TMEFF2: variants seen among roughly 807,000 people sequenced by gnomAD.
TMEFF2 encodes transmembrane protein with EGF like and two follistatin like domains 2.
Under a neutral mutation model 53.8 loss-of-function variants are expected in TMEFF2, and 28 were observed. The ratio of observed to expected loss-of-function variants is 0.52; its 90% CI spans 0.39 to 0.71. The LOEUF (loss-of-function observed/expected upper bound fraction) is 0.71. Ranked by LOEUF, TMEFF2 falls within the 30% of genes least tolerant of loss-of-function variation. The pLI, the probability that TMEFF2 is intolerant of heterozygous loss-of-function variation, is 0.00. For missense variants in TMEFF2, 353 were observed against 455.2 expected, an observed-to-expected ratio of 0.78 and a Z score of 2.04; for synonymous variants, 162 against 166.3, an observed-to-expected ratio of 0.97 and a Z score of 0.20.
At chr2:192,103,226 T>C (rs1391019204) in intron 4 of TMEFF2, among the ~76,000 whole-genome samples, 1 of 152,196 alleles carries the variant, frequency 6.6e-6, no homozygotes, top group Non-Finnish European at 1.5e-5. Flanking sequence ...GGAAATTCTT[T>C]TTATGAATAT....
At chr2:191,953,883 ATTTTTTTTTTTT>A in intron 8 of TMEFF2, 46 bp from the exon 9 acceptor site, 12 of 607,960 alleles carry the variant, frequency 2.0e-5, no homozygotes, top group South Asian at 1.6e-4. Context: ...TGCTGCATTC[ATTTTTTTTTTTT>A]TTTTTTTTTT....
At chr2:192,053,338 A>C (rs778497329) in intron 5 of TMEFF2, among the ~76,000 whole-genome samples, 3 of 152,282 alleles carry the variant, frequency 2.0e-5, no homozygotes, top group South Asian at 4.1e-4. Flanking sequence ...CTGTGTACTG[A>C]CTTTTTTATT....
Position 192,112,157 on chromosome 2 carries a change from C to A in TMEFF2, c.440-54382G>T, listed in dbSNP as rs532346798. Among the ~76,000 whole-genome samples the A allele has an allele frequency of 1.1e-4, 16 of 152,242 alleles. No homozygotes were observed. The South Asian group carries it at 2.7e-3, about 26-fold the overall frequency. ...AGAAGAAGACCATCATCCTCCAGAC[C>A]CCAGAATGGTAGATCCACTGACAGC... is the stretch of plus-strand genomic sequence containing the variant. On this transcript the variant is annotated intron_variant, in intron 4 of 9. Coordinates refer to ENST00000272771, the MANE Select transcript of TMEFF2 (RefSeq NM_016192.4).
chr2:192,110,557 T>C (rs1003750748), intron 4 of TMEFF2, among the ~76,000 whole-genome samples: 1 of 152,236 alleles, frequency 6.6e-6, no homozygotes, highest in Non-Finnish European at 1.5e-5. Flanking sequence ...ATTCTTTCTA[T>C]TTCTTCTAGG....
At chr2:192,143,323 T>C (rs1054818624) in intron 4 of TMEFF2, among the ~76,000 whole-genome samples, 2 of 152,198 alleles carry the variant, frequency 1.3e-5, no homozygotes, top group Non-Finnish European at 2.9e-5. Context: ...AGTGGTCTAC[T>C]GCTCAGCACT....
intron 7 of TMEFF2, among the ~76,000 whole-genome samples, chr2:191,988,347 A>C (rs1412763749): frequency 3.3e-5 from 5 of 152,188 alleles, no homozygotes; most frequent in African/African-American, 4.8e-5. Flanking sequence ...GTGAGTGGCT[A>C]GGGGTGTGAG....
At chr2:191,992,301 G>A (rs910499218) in intron 7 of TMEFF2, among the ~76,000 whole-genome samples, 3 of 152,144 alleles carry the variant, frequency 2.0e-5, no homozygotes, top group Admixed American at 6.6e-5. Flanking sequence ...TTGTGTTCAC[G>A]AGCAAATGGA....
intron 4 of TMEFF2, among the ~76,000 whole-genome samples, chr2:192,176,072 T>C (rs1691035073): frequency 1.3e-5 from 2 of 151,452 alleles, no homozygotes; most frequent in South Asian, 4.1e-4. Flanking sequence ...TAAGGAAGTC[T>C]GTGGGTGGAT....
intron 4 of TMEFF2, among the ~76,000 whole-genome samples, chr2:192,059,380 T>C (rs1380159588): frequency 1.3e-5 from 2 of 152,046 alleles, no homozygotes; most frequent in African/African-American, 4.8e-5. Context: ...GCAAGACCAT[T>C]AGAGTGGACC....
chr2:192,116,218 A>C (rs1306989763), intron 4 of TMEFF2, among the ~76,000 whole-genome samples: 1 of 152,038 alleles, frequency 6.6e-6, no homozygotes. Context: ...AATTATGCCT[A>C]GTGAAATAAG....
chr2:192,192,033 G>T, intron 1 of TMEFF2, 44 bp from the exon 2 acceptor site: 1 of 1,357,064 alleles, frequency 7.4e-7, no homozygotes, highest in African/African-American at 1.5e-5. Flanking sequence ...ACATCTTACA[G>T]ATTTTTAACA....
chr2:191,985,759 T>C (rs1289712261), intron 7 of TMEFF2, among the ~76,000 whole-genome samples: 1 of 152,234 alleles, frequency 6.6e-6, no homozygotes, highest in Non-Finnish European at 1.5e-5. Flanking sequence ...TTTCCTGTTG[T>C]CTTTGCTATT....
chr2:191,992,139 A>G (rs2105827432), intron 7 of TMEFF2, among the ~76,000 whole-genome samples: 1 of 152,202 alleles, frequency 6.6e-6, no homozygotes, highest in African/African-American at 2.4e-5. Flanking sequence ...GTCTGGTGGC[A>G]CTGTAATAGC....
intron 8 of TMEFF2, among the ~76,000 whole-genome samples, chr2:191,955,006 A>T (rs1364973358): frequency 1.3e-5 from 2 of 151,932 alleles, no homozygotes; most frequent in African/African-American, 4.8e-5. Context: ...TAATAATGAC[A>T]CTGCTGGGGA....
intron 4 of TMEFF2, among the ~76,000 whole-genome samples, chr2:192,075,285 T>TTATATATATATAAA (rs1688382757): frequency 4.6e-5 from 3 of 65,760 alleles, no homozygotes; most frequent in East Asian, 4.3e-3. Context: ...TACAGTACTA[T>TTATATATATATAAA]TATATATATA....
At chr2:192,001,732 C>G (rs971080861) in intron 5 of TMEFF2, among the ~76,000 whole-genome samples, 4 of 145,366 alleles carry the variant, frequency 2.8e-5, no homozygotes, top group Non-Finnish European at 6.0e-5. Context: ...TGCACAAGCT[C>G]TCTTCTCTTG....
At chr2:192,021,773 A>T (rs1686865462) in intron 5 of TMEFF2, 1 of 152,286 alleles carries the variant, frequency 6.6e-6, no homozygotes, top group Admixed American at 6.5e-5. Context: ...GAGGTGTGGG[A>T]AATCTAAGGA....
At chr2:192,124,152 C>G (rs1228324350) in intron 4 of TMEFF2, among the ~76,000 whole-genome samples, 1 of 152,196 alleles carries the variant, frequency 6.6e-6, no homozygotes, top group Non-Finnish European at 1.5e-5. Flanking sequence ...AAATCTCATC[C>G]AGAGCATTTG....
intron 7 of TMEFF2, among the ~76,000 whole-genome samples, chr2:191,976,631 C>T (rs1169577385): frequency 6.6e-6 from 1 of 152,154 alleles, no homozygotes; most frequent in Non-Finnish European, 1.5e-5. Flanking sequence ...CTTCATTCCT[C>T]AAGGCTTTTG....
Sources: gnomAD v4.1 joint callset for allele counts (sites outside exome capture counted in the v4.1 genomes callset) on GRCh38, gnomAD v4.1.1 for gene constraint, MANE v1.5 for transcripts, NCBI Gene and HGNC (gene_info 2026-07-23, HGNC 2026-07-21) for gene names.